The following GRK1 variants were observed in gnomAD, a reference collection of about 807,000 sequenced individuals.
The protein encoded by GRK1 is rhodopsin kinase GRK1.
In GRK1, 28 loss-of-function variants were observed where a neutral mutation model predicts 41.7. The ratio of observed to expected loss-of-function variants is 0.67; its 90% CI spans 0.50 to 0.92. GRK1 has a LOEUF of 0.92. Ranked by LOEUF, GRK1 falls within the 40% of genes least tolerant of loss-of-function variation. GRK1 has a pLI of 0.00. For missense variants in GRK1, 703 were observed against 671.2 expected, an observed-to-expected ratio of 1.05 and a Z score of -0.52; for synonymous variants, 327 against 286.7, an observed-to-expected ratio of 1.14 and a Z score of -1.42.
intron 2 of GRK1, 128 bp downstream of exon 2, chr13:113,669,942 AC>A: frequency 1.8e-6 from 2 of 1,097,976 alleles, no homozygotes; most frequent in Non-Finnish European, 2.6e-6. Context: ...GAAGCCTTGC[AC>A]CCATCACAAT....
chr13:113,669,109 C>A (rs1173983820), intron 1 of GRK1, among the ~76,000 whole-genome samples: 1 of 152,256 alleles, frequency 6.6e-6, no homozygotes, highest in Non-Finnish European at 1.5e-5. Context: ...ACTTCCGTCA[C>A]CAAACTGAAC....
chr13:113,733,598 T>C (rs190422566), intron 6 of GRK1, among the ~76,000 whole-genome samples: 142,679 of 144,234 alleles, frequency 0.99, 70,562 homozygotes, highest in Non-Finnish European at 0.99. Flanking sequence ...TGTGTGTGCA[T>C]GTGTGCGCAT....
the GRK1 span, among the ~76,000 whole-genome samples, chr13:113,656,682 C>T: frequency 6.6e-6 from 1 of 152,294 alleles, no homozygotes; most frequent in East Asian, 1.9e-4. Context: ...TGTCCTATTC[C>T]TTTTGTTTTT....
rs1566694379 is a variant in GRK1, at chr13:113,671,017, C to A, written c.828-482C>A. On this transcript the variant is annotated intron_variant, in intron 2 of 6. Transcript: ENST00000335678. This position sits in a 1 kb window ranked among gnomAD's most constrained non-coding sequence, Gnocchi z 4.1. ...CGTTTAAATTATTTCTTGTTTAAATCATTTCTTTTATTTGTTAGGTTTTGC... is the reference window on the plus strand; with the variant it reads ...CGTTTAAATTATTTCTTGTTTAAATAATTTCTTTTATTTGTTAGGTTTTGC... 6.6e-6 allele frequency among the ~76,000 whole-genome samples: 1 copy of A among 152,202 alleles called. No individual in the cohort carries two copies. Among genetic ancestry groups the A allele is most frequent in the Admixed American group, 6.5e-5 (1 of 15,286 alleles).
At chr13:113,657,302 C>A in the GRK1 span, among the ~76,000 whole-genome samples, 4 of 152,342 alleles carry the variant, frequency 2.6e-5, no homozygotes, top group African/African-American at 9.6e-5. Flanking sequence ...CGCATCCCGA[C>A]GCCCAGGGGT....
chr13:113,666,472 AG>A (rs2049820024), upstream of GRK1, among the ~76,000 whole-genome samples: 1 of 150,276 alleles, frequency 6.7e-6, no homozygotes, highest in Non-Finnish European at 1.5e-5. Flanking sequence ...GGTGTGTCCC[AG>A]CTGTCCCAGG....
upstream of GRK1, among the ~76,000 whole-genome samples, chr13:113,662,367 G>C (rs2049795671): frequency 6.6e-6 from 1 of 152,196 alleles, no homozygotes; most frequent in Admixed American, 6.5e-5. Context: ...ATGCCCAATG[G>C]TGAAAGATGA....
intron 6 of GRK1, among the ~76,000 whole-genome samples, chr13:113,734,032 GCGTA>G (rs1312549910): frequency 5.5e-5 from 8 of 144,284 alleles, no homozygotes; most frequent in South Asian, 4.2e-4. Flanking sequence ...GCGTGCGTGT[GCGTA>G]TGTGTGTGTG....
In GRK1 at chr13:113,668,082, C is replaced by T. The variant is rs1477496539; in HGVS notation, c.696C>T (p.Tyr232=). ...AGCGGCTGAAGAAGAGGAAGGGCTA[C>T]CAGGTGAGCAGCGCGACCCGGCCAG... ...NKKRLKKRKG[Y]QGAMVEKKIL... Residue 232 remains tyrosine, a synonymous_variant, in exon 1 of 7, where the codon TAC becomes TAT. Coordinates refer to ENST00000335678, the MANE Select transcript of GRK1 (RefSeq NM_002929.3). 6.2e-7 allele frequency: 1 copy of T among 1,603,980 alleles called. No homozygotes were observed. Among genetic ancestry groups the T allele is most frequent in the Non-Finnish European group, 8.5e-7 (1 of 1,175,744 alleles).
chr13:113,661,804 CT>C, the GRK1 span, among the ~76,000 whole-genome samples: 1 of 152,162 alleles, frequency 6.6e-6, no homozygotes, highest in East Asian at 1.9e-4. Context: ...TGTAAATAGC[CT>C]ATAACTATTA....
chr13:113,733,936 ACGTGTGTG>A (rs2049976427), intron 6 of GRK1, among the ~76,000 whole-genome samples: 5 of 98,934 alleles, frequency 5.1e-5, no homozygotes, highest in South Asian at 3.6e-4. Flanking sequence ...ATGTGTGCAT[ACGTGTGTG>A]CGTGTGTGTG....
chr13:113,668,930 G>A (rs1195792878), intron 1 of GRK1, among the ~76,000 whole-genome samples: 1 of 152,258 alleles, frequency 6.6e-6, no homozygotes, highest in East Asian at 1.9e-4. Context: ...AGCGCTGGGC[G>A]GAGGCCCTGG....
At chr13:113,669,964 C>T (rs1230863776) in intron 2 of GRK1, 150 bp downstream of exon 2, 6 of 958,020 alleles carry the variant, frequency 6.3e-6, no homozygotes, top group African/African-American at 3.3e-5. Flanking sequence ...CCCCTTCTCG[C>T]TGTTGGTTCC....
rs1179413476 is a variant in GRK1, at chr13:113,671,978, A to G, written c.985+322A>G. Among the ~76,000 whole-genome samples, 4 of 151,894 alleles carry G rather than the reference A, an allele frequency of 2.6e-5. No individual in the cohort carries two copies. The highest frequency in any genetic ancestry group is 4.8e-5 in the African/African-American group (2 of 41,318). ...GAGGGTTTAGGCTCCCGACAGCGGC[A>G]GGTCAGGCAAGTGCGAGACACGTGC... On this transcript the variant is annotated intron_variant, in intron 3 of 6. Coordinates refer to ENST00000335678, the MANE Select transcript of GRK1 (RefSeq NM_002929.3). The surrounding 1 kb of genome is among the most constrained non-coding windows in gnomAD (Gnocchi z 4.1).
chr13:113,733,522 TGTGTGCGCGTGTGTGCATGC>T (rs1186982282), intron 6 of GRK1, among the ~76,000 whole-genome samples: 2 of 148,648 alleles, frequency 1.3e-5, no homozygotes, highest in Non-Finnish European at 1.5e-5. Context: ...TGTGTGTGCA[TGTGTGCGCGTGTGTGCATGC>T]GTGTGCGCGC....
the GRK1 span, among the ~76,000 whole-genome samples, chr13:113,652,067 C>T: frequency 7.2e-5 from 11 of 152,320 alleles, no homozygotes; most frequent in South Asian, 2.1e-4. Context: ...GAGCACGGGC[C>T]GGCCTGCCTC....
chr13:113,723,870 G>A lies in GRK1; in HGVS notation c.1069+713G>A, dbSNP rs547776722. 2.4e-4 allele frequency among the ~76,000 whole-genome samples: 36 copies of A among 150,962 alleles called. 1 individual carries two copies. The East Asian group carries it at 7.0e-3, about 29-fold the overall frequency. ...TCTGTGTGCCTGTGTGTGCATGCCCGTGTCTGTGCACACACGTGTCCGTGT... is the reference window on the plus strand; with the variant it reads ...TCTGTGTGCCTGTGTGTGCATGCCCATGTCTGTGCACACACGTGTCCGTGT... On this transcript the variant is annotated intron_variant, in intron 4 of 6. Coordinates refer to ENST00000335678, the MANE Select transcript of GRK1 (RefSeq NM_002929.3).
At chr13:113,733,878 CAT>C (rs1566700188) in intron 6 of GRK1, among the ~76,000 whole-genome samples, 2 of 78,126 alleles carry the variant, frequency 2.6e-5, no homozygotes, top group African/African-American at 1.8e-4. Flanking sequence ...TGCGTGTGTG[CAT>C]ACGTGTGTGC....
Position 113,735,618 on chromosome 13 carries a change from A to G in GRK1, c.*255A>G, listed in dbSNP as rs1256934994. ...TTTTGCTCCATCTCACTGAGAAGAC[A>G]TAAGATGCTCTCCAGAGGGAGTAAG... On this transcript the variant is annotated 3_prime_UTR_variant, in exon 7 of 7. Coordinates refer to ENST00000335678, the MANE Select transcript of GRK1 (RefSeq NM_002929.3). The G allele has an allele frequency of 2.9e-5, 12 of 413,254 alleles. No individual in the cohort carries two copies. Among genetic ancestry groups the G allele is most frequent in the South Asian group, 6.6e-5 (1 of 15,232 alleles). 25.6% of individuals were successfully genotyped at this position (413,254 alleles called of 1,614,324 possible).
Sources: allele counts gnomAD v4.1 joint callset (sites outside exome capture counted in the v4.1 genomes callset), GRCh38; gene constraint gnomAD v4.1.1; non-coding constraint Gnocchi (gnomAD v3.1); transcripts MANE v1.5; gene names NCBI Gene and HGNC (gene_info 2026-07-23, HGNC 2026-07-21).